Variants in UTS2 observed in about 807,000 individuals in gnomAD.
UTS2 encodes the protein urotensin 2, also known as urotensin-2.
A neutral mutation model predicts 12.6 loss-of-function variants in UTS2; 10 were observed. That is an observed-to-expected ratio of 0.80 (90% confidence interval 0.49 to 1.35). UTS2 has a LOEUF of 1.35. Among genes scored for constraint, UTS2 ranks in the 40% most tolerant of loss-of-function variants. The probability of loss-of-function intolerance (pLI) is 0.00; values close to 1 mark genes in which losing one functional copy is unlikely to be tolerated. For missense variants in UTS2, 142 were observed against 143.2 expected (o/e 0.99, Z 0.04); for synonymous variants, 52 against 50.0 (o/e 1.04, Z -0.17).
the UTS2 span, among the ~76,000 whole-genome samples, chr1:7,892,637 C>G: frequency 2.6e-5 from 4 of 151,838 alleles, no homozygotes; most frequent in African/African-American, 9.7e-5. Flanking sequence ...TGCCACCACG[C>G]CTGGCTAAGT....
the UTS2 span, among the ~76,000 whole-genome samples, chr1:7,864,988 T>C: frequency 0.14 from 5,736 of 40,866 alleles, 1,812 homozygotes; most frequent in Non-Finnish European, 0.23. Flanking sequence ...TCTGTCTGTC[T>C]GATACCATCA....
the UTS2 span, among the ~76,000 whole-genome samples, chr1:7,897,885 C>T: frequency 6.6e-6 from 1 of 152,174 alleles, no homozygotes; most frequent in African/African-American, 2.4e-5. Context: ...CCGTGCCCGA[C>T]CATGTTTCAT....
chr1:7,877,685 C>T, the UTS2 span, among the ~76,000 whole-genome samples: 1 of 152,036 alleles, frequency 6.6e-6, no homozygotes, highest in Non-Finnish European at 1.5e-5. Context: ...CCAGCCTGAG[C>T]AACATGGTGA....
At chr1:7,858,416 C>T (rs977246478), upstream of UTS2, among the ~76,000 whole-genome samples, 1 of 152,206 alleles carries the variant, frequency 6.6e-6, no homozygotes, top group African/African-American at 2.4e-5. Flanking sequence ...AAGAAGTAAA[C>T]CATTAATATT....
chr1:7,871,753 T>C, the UTS2 span, among the ~76,000 whole-genome samples: 1 of 152,290 alleles, frequency 6.6e-6, no homozygotes, highest in East Asian at 1.9e-4. Flanking sequence ...CAGTGATCTT[T>C]CATGTTACTA....
chr1:7,872,321 G>GAAAAAAAA, the UTS2 span, among the ~76,000 whole-genome samples: 2 of 86,066 alleles, frequency 2.3e-5, no homozygotes, highest in Admixed American at 1.5e-4. Flanking sequence ...AAAAAAAAAG[G>GAAAAAAAA]AAAAGAAAAA....
At chr1:7,907,019 G>A in the UTS2 span, among the ~76,000 whole-genome samples, 1 of 152,150 alleles carries the variant, frequency 6.6e-6, no homozygotes, top group East Asian at 1.9e-4. Context: ...GGGAGACCAA[G>A]GGGGGAGGAT....
chr1:7,873,868 G>A, the UTS2 span, among the ~76,000 whole-genome samples: 1 of 152,172 alleles, frequency 6.6e-6, no homozygotes, highest in African/African-American at 2.4e-5. Flanking sequence ...ATATGCTACA[G>A]AGGAATGTTT....
upstream of UTS2, chr1:7,853,261 T>C (rs556310976): frequency 9.9e-6 from 16 of 1,611,108 alleles, no homozygotes; most frequent in East Asian, 3.1e-4. Flanking sequence ...GTAGGTATTA[T>C]ATAAAGAACA....
the UTS2 span, among the ~76,000 whole-genome samples, chr1:7,895,029 G>A: frequency 0.6 from 91,010 of 151,822 alleles, 28,169 homozygotes; most frequent in African/African-American, 0.7. Flanking sequence ...TATCTTCTTC[G>A]TCGGCTTTGT....
intron 1 of UTS2, 120 bp downstream of exon 1, chr1:7,852,781 A>G: frequency 8.6e-7 from 1 of 1,158,194 alleles, no homozygotes; most frequent in Non-Finnish European, 1.2e-6. Context: ...AGCTGGGACT[A>G]TTGAGAGAAC....
the UTS2 span, among the ~76,000 whole-genome samples, chr1:7,885,137 T>C: frequency 6.6e-6 from 1 of 151,080 alleles, no homozygotes; most frequent in East Asian, 2.0e-4. Flanking sequence ...CTATCATCCA[T>C]CCATCCATCC....
In UTS2 at chr1:7,850,920, G is replaced by A; in HGVS notation, c.106C>T (p.Pro36Ser). 1 of 1,614,054 alleles carries A rather than the reference G, an allele frequency of 6.2e-7. No individual in the cohort carries two copies. Among genetic ancestry groups the A allele is most frequent in the Non-Finnish European group, 8.5e-7 (1 of 1,180,006 alleles). Residue 36 changes from proline (P) to serine (S), a missense_variant and splice_region_variant, in exon 2 of 4, where the codon CCT (proline) becomes TCT (serine). By Grantham distance (74) the Pro-to-Ser change is moderately conservative (BLOSUM62 -1). Transcript: ENST00000361696. ...GGAGTTAAGCGCGCGTCTTCATGAG[G>A]TGCTACAGAGTAAAAACAGATACTT... Reference protein sequence around the residue: ...SREISFQLSAPHEDARLTPEE... With the variant: ...SREISFQLSASHEDARLTPEE...
chr1:7,850,829 T>TC lies in UTS2; in HGVS notation c.196dup (p.Asp66GlyfsTer14). ...CATTTTACCTGCTTTCCTGAGAATA[T>TC]CCCCTCTTTCTGCACCCAGCATCTC... On this transcript the variant is annotated frameshift_variant, in exon 2 of 4. Coordinates refer to ENST00000361696, the MANE Select transcript of UTS2 (RefSeq NM_006786.4). LOFTEE classifies it high-confidence loss of function. 1 of 1,614,164 alleles carries TC rather than the reference T, an allele frequency of 6.2e-7. No homozygotes were observed. The highest frequency in any genetic ancestry group is 1.7e-5 in the Admixed American group (1 of 60,014).
In UTS2 at chr1:7,849,532, G is replaced by C. The variant is rs909260455; in HGVS notation, c.258+108C>G. ...GGTCATGCTGGCCAATTATTTTAAG[G>C]TGTGGTTTCCACCAAGAACACTCCT... On this transcript the variant is annotated intron_variant, in intron 3 of 3. Transcript: ENST00000361696. The C allele has an allele frequency of 1.3e-5, 13 of 1,004,340 alleles. No individual in the cohort carries two copies. In the African/African-American group the frequency reaches 1.5e-4, roughly 12 times the overall value. The allele number at this position is 1,004,340 out of a possible 1,614,324, so 62.2% of individuals were successfully genotyped here.
chr1:7,901,606 ATGTGTGTG>A, the UTS2 span, among the ~76,000 whole-genome samples: 3 of 126,688 alleles, frequency 2.4e-5, no homozygotes, highest in Admixed American at 9.7e-5. Context: ...ATATTCATCT[ATGTGTGTG>A]TGTGTGTGTG....
chr1:7,870,828 G>C, the UTS2 span, among the ~76,000 whole-genome samples: 3 of 152,148 alleles, frequency 2.0e-5, no homozygotes, highest in Non-Finnish European at 4.4e-5. Flanking sequence ...AAGACCACCA[G>C]GAGCACACTT....
chr1:7,878,155 T>C, the UTS2 span, among the ~76,000 whole-genome samples: 13 of 152,098 alleles, frequency 8.5e-5, no homozygotes, highest in Admixed American at 2.0e-4. Context: ...ATAATAAAAC[T>C]GCCAGCCAGG....
the UTS2 span, among the ~76,000 whole-genome samples, chr1:7,894,784 A>C: frequency 6.6e-6 from 1 of 150,936 alleles, no homozygotes; most frequent in Non-Finnish European, 1.5e-5. Context: ...GATGGAAACC[A>C]GCCCGGCAAC....
Sources: allele counts gnomAD v4.1 joint callset (sites outside exome capture counted in the v4.1 genomes callset), GRCh38; gene constraint gnomAD v4.1.1; transcripts MANE v1.5; gene names NCBI Gene and HGNC (gene_info 2026-07-23, HGNC 2026-07-21).